The following CPQ variants were observed in gnomAD, a reference collection of about 807,000 sequenced individuals.
CPQ encodes Ser-Met dipeptidase.
A neutral mutation model predicts 45.7 loss-of-function variants in CPQ; 37 were observed. The ratio of observed to expected loss-of-function variants is 0.81; its 90% confidence interval spans 0.62 to 1.07. The LOEUF is 1.07. CPQ is among the 50% of genes least tolerant of loss of function. CPQ has a pLI of 0.00. For missense variants in CPQ, 537 were observed against 572.9 expected (o/e 0.94, Z 0.64); for synonymous variants, 186 against 205.8 (o/e 0.90, Z 0.82).
chr8:96,868,801 G>T (rs1812026812), intron 3 of CPQ, among the ~76,000 whole-genome samples: 1 of 151,632 alleles, frequency 6.6e-6, no homozygotes, highest in Admixed American at 6.6e-5. Flanking sequence ...AAATTTTCAT[G>T]TTTTTCCTAC....
At chr8:96,767,243 A>G (rs1406869551) in intron 1 of CPQ, among the ~76,000 whole-genome samples, 1 of 152,208 alleles carries the variant, frequency 6.6e-6, no homozygotes, top group Non-Finnish European at 1.5e-5. Flanking sequence ...TCGCAAGGCA[A>G]TTATGGGCTG....
intron 2 of CPQ, among the ~76,000 whole-genome samples, chr8:96,814,811 C>T (rs1811205408): frequency 6.6e-6 from 1 of 152,030 alleles, no homozygotes; most frequent in Admixed American, 6.6e-5. Flanking sequence ...AGCCATACAA[C>T]AGAATAGTCT....
At chr8:97,010,052 T>C (rs1017801095) in intron 5 of CPQ, among the ~76,000 whole-genome samples, 1 of 152,216 alleles carries the variant, frequency 6.6e-6, no homozygotes, top group African/African-American at 2.4e-5. Flanking sequence ...TAGATACCAG[T>C]AGGAAGACTT....
intron 4 of CPQ, among the ~76,000 whole-genome samples, chr8:96,917,998 A>C (rs991383837): frequency 6.6e-6 from 1 of 152,038 alleles, no homozygotes; most frequent in African/African-American, 2.4e-5. Context: ...TATAGAGTGT[A>C]CTCTTAGTGT....
chr8:96,692,188 T>C (rs1019030721), intron 1 of CPQ, among the ~76,000 whole-genome samples: 2 of 152,164 alleles, frequency 1.3e-5, no homozygotes, highest in Non-Finnish European at 2.9e-5. Flanking sequence ...AAGACAAGCT[T>C]GAGACACCAA....
intron 4 of CPQ, among the ~76,000 whole-genome samples, chr8:96,915,245 C>G (rs1452519251): frequency 6.6e-6 from 1 of 152,032 alleles, no homozygotes; most frequent in Non-Finnish European, 1.5e-5. Context: ...TTTTTCCGTG[C>G]CTCTCCTGTG....
intron 7 of CPQ, among the ~76,000 whole-genome samples, chr8:97,139,234 T>C (rs1296250236): frequency 1.3e-5 from 2 of 152,168 alleles, no homozygotes; most frequent in Admixed American, 1.3e-4. Flanking sequence ...CCTAACAGCA[T>C]AACTTTGAAA....
intron 1 of CPQ, among the ~76,000 whole-genome samples, chr8:96,688,277 C>G (rs554303551): frequency 6.6e-6 from 1 of 152,156 alleles, no homozygotes; most frequent in East Asian, 1.9e-4. Flanking sequence ...TTTTTACTTG[C>G]TCTTGCCTGT....
chr8:97,065,882 G>A, intron 6 of CPQ, 127 bp from the exon 7 acceptor site: 2 of 858,236 alleles, frequency 2.3e-6, no homozygotes, highest in South Asian at 1.6e-5. Context: ...CTTAAGTCAG[G>A]CACAGCAACA....
chr8:96,968,671 G>A (rs1813611586), intron 5 of CPQ, among the ~76,000 whole-genome samples: 1 of 152,210 alleles, frequency 6.6e-6, no homozygotes, highest in Admixed American at 6.5e-5. Context: ...TCCCTCAGTG[G>A]AGCGTGTTAA....
At chr8:97,061,031 T>G (rs913072821) in intron 6 of CPQ, among the ~76,000 whole-genome samples, 1 of 152,132 alleles carries the variant, frequency 6.6e-6, no homozygotes, top group Non-Finnish European at 1.5e-5. Flanking sequence ...AGTTCTTTAT[T>G]GAAAACATAT....
chr8:96,647,664 T>A (rs1815533058), intron 1 of CPQ, among the ~76,000 whole-genome samples: 1 of 152,152 alleles, frequency 6.6e-6, no homozygotes, highest in Non-Finnish European at 1.5e-5. Flanking sequence ...CCTGGGTTAT[T>A]TGGGTAAATG....
intron 1 of CPQ, among the ~76,000 whole-genome samples, chr8:96,754,653 T>G (rs1473098894): frequency 6.6e-6 from 1 of 152,058 alleles, no homozygotes; most frequent in Non-Finnish European, 1.5e-5. Context: ...TAATTCATAT[T>G]TCTAGAAAAT....
At chr8:97,044,171 CTTTG>C (rs1810189201) in intron 6 of CPQ, among the ~76,000 whole-genome samples, 1 of 152,274 alleles carries the variant, frequency 6.6e-6, no homozygotes, top group East Asian at 1.9e-4. Flanking sequence ...TTCTTGGAGG[CTTTG>C]TTTGTTTCTT....
At chr8:96,930,478 C>T (rs1812958751) in intron 4 of CPQ, among the ~76,000 whole-genome samples, 1 of 152,170 alleles carries the variant, frequency 6.6e-6, no homozygotes, top group Non-Finnish European at 1.5e-5. Flanking sequence ...GAGTCCTTCA[C>T]AAACATGATT....
At chr8:96,786,460 A>G (rs552374911) in intron 2 of CPQ, among the ~76,000 whole-genome samples, 8 of 152,202 alleles carry the variant, frequency 5.3e-5, no homozygotes, top group Admixed American at 3.3e-4. Flanking sequence ...CACCTTTTAG[A>G]TATTATGAAT....
intron 2 of CPQ, among the ~76,000 whole-genome samples, chr8:96,834,657 T>G (rs1381016181): frequency 6.6e-6 from 1 of 152,222 alleles, no homozygotes; most frequent in Non-Finnish European, 1.5e-5. Flanking sequence ...TCTTTGAAAT[T>G]TGTGACTTCT....
intron 2 of CPQ, among the ~76,000 whole-genome samples, chr8:96,804,767 A>G (rs545444734): frequency 1.0e-3 from 155 of 152,150 alleles, no homozygotes; most frequent in African/African-American, 3.6e-3. Context: ...AGGACATTAA[A>G]GCAAATGGGG....
chr8:97,123,194 TAAAATAAAATAA>T (rs1352775121), intron 7 of CPQ, among the ~76,000 whole-genome samples: 10 of 65,390 alleles, frequency 1.5e-4, no homozygotes, highest in African/African-American at 5.4e-4. Context: ...TAAAATAAAA[TAAAATAAAATAA>T]AAAATAAAAT....
Sources: allele counts gnomAD v4.1 joint callset (sites outside exome capture counted in the v4.1 genomes callset), GRCh38; gene constraint gnomAD v4.1.1; transcripts MANE v1.5; gene names NCBI Gene and HGNC (gene_info 2026-07-23, HGNC 2026-07-21).